Variants in EXOC6B observed in about 807,000 individuals in gnomAD.
EXOC6B encodes exocyst complex component 6B, also known as SEC15 homolog B.
A neutral mutation model predicts 113.5 loss-of-function variants in EXOC6B; 54 were observed. The observed-to-expected ratio is 0.48, with a 90% confidence interval of 0.38 to 0.60. The LOEUF is 0.60. EXOC6B is among the 20% of genes least tolerant of loss of function. The pLI is 0.00. For synonymous variants in EXOC6B, 357 were observed against 339.0 expected (o/e 1.05, Z -0.58); for missense variants, 797 against 977.5 (o/e 0.82, Z 2.46).
rs141174466 is a variant in EXOC6B at position 72,207,189 on chromosome 2, A to G, written c.2197-23002T>C. Reference sequence around the variant, plus strand: ...CTATATACCGTACTAACTTGAACAAATCCCTTATTGATGGGTATTTTGAGA... The same window carrying G: ...CTATATACCGTACTAACTTGAACAAGTCCCTTATTGATGGGTATTTTGAGA... On this transcript the variant is annotated intron_variant, in intron 20 of 21. Coordinates refer to ENST00000272427, the MANE Select transcript of EXOC6B (RefSeq NM_015189.3). Among the ~76,000 whole-genome samples, 841 of 152,344 alleles carry G rather than the reference A, an allele frequency of 5.5e-3. 22 individuals are homozygous for G. Among genetic ancestry groups the G allele is most frequent in the Admixed American group, 0.049 (744 of 15,302 alleles).
chr2:72,643,371 C>T (rs1272714384), intron 6 of EXOC6B, among the ~76,000 whole-genome samples: 1 of 147,378 alleles, frequency 6.8e-6, no homozygotes, highest in African/African-American at 2.5e-5. Flanking sequence ...CCCAAATGTC[C>T]AACAATGACA....
chr2:72,475,920 C>G (rs1329852509), intron 17 of EXOC6B, among the ~76,000 whole-genome samples: 1 of 152,166 alleles, frequency 6.6e-6, no homozygotes, highest in African/African-American at 2.4e-5. Context: ...GTGGGTGGCC[C>G]CTGGTCACTG....
At chr2:72,576,009 A>T (rs1037643380) in intron 6 of EXOC6B, among the ~76,000 whole-genome samples, 1 of 152,124 alleles carries the variant, frequency 6.6e-6, no homozygotes, top group African/African-American at 2.4e-5. Flanking sequence ...AAATCTATCC[A>T]GTTTTGCCTT....
intron 1 of EXOC6B, among the ~76,000 whole-genome samples, chr2:72,789,246 A>T (rs1684541134): frequency 6.6e-6 from 1 of 152,254 alleles, no homozygotes; most frequent in Non-Finnish European, 1.5e-5. Flanking sequence ...CAGTATTGAC[A>T]AGTCCCACCC....
At chr2:72,673,567 T>C (rs1426383200) in intron 6 of EXOC6B, among the ~76,000 whole-genome samples, 2 of 152,120 alleles carry the variant, frequency 1.3e-5, no homozygotes, top group Non-Finnish European at 2.9e-5. Flanking sequence ...CCTTCATTGT[T>C]AAAGTCTCCT....
intron 6 of EXOC6B, among the ~76,000 whole-genome samples, chr2:72,604,740 A>C (rs940007850): frequency 2.0e-5 from 3 of 152,200 alleles, no homozygotes; most frequent in Non-Finnish European, 2.9e-5. Flanking sequence ...GGTCCATACT[A>C]TGATAGAGTT....
chr2:72,278,105 A>G (rs1684910872), intron 20 of EXOC6B, among the ~76,000 whole-genome samples: 1 of 152,190 alleles, frequency 6.6e-6, no homozygotes, highest in African/African-American at 2.4e-5. Context: ...CAAAAAATAC[A>G]CTATCTGCTT....
chr2:72,479,664 T>C (rs1654707631), intron 17 of EXOC6B, among the ~76,000 whole-genome samples: 1 of 152,226 alleles, frequency 6.6e-6, no homozygotes, highest in South Asian at 2.1e-4. Context: ...CTATTACTTT[T>C]ACTGCTTAAT....
intron 6 of EXOC6B, among the ~76,000 whole-genome samples, chr2:72,637,647 A>G (rs1168474806): frequency 6.6e-6 from 1 of 152,068 alleles, no homozygotes; most frequent in Non-Finnish European, 1.5e-5. Context: ...AAAATTAGCC[A>G]GGCATGGTGG....
intron 20 of EXOC6B, chr2:72,263,418 T>C (rs1214588907): frequency 1.3e-5 from 2 of 152,222 alleles, no homozygotes; most frequent in South Asian, 2.1e-4. Context: ...TGAGAAAGCG[T>C]TGGGGCAAGC....
At chr2:72,653,658 T>G (rs1317241946) in intron 6 of EXOC6B, among the ~76,000 whole-genome samples, 1 of 140,992 alleles carries the variant, frequency 7.1e-6, no homozygotes, top group Non-Finnish European at 1.5e-5. Flanking sequence ...GATCTAAAAA[T>G]CACTAATTTT....
intron 6 of EXOC6B, among the ~76,000 whole-genome samples, chr2:72,646,738 C>A (rs1017389022): frequency 2.6e-5 from 4 of 152,078 alleles, no homozygotes; most frequent in South Asian, 2.1e-4. Flanking sequence ...AGGCCTTCGA[C>A]AAAATTCAAC....
At chr2:72,739,360 T>G (rs1473632116) in intron 2 of EXOC6B, among the ~76,000 whole-genome samples, 1 of 152,144 alleles carries the variant, frequency 6.6e-6, no homozygotes, top group Non-Finnish European at 1.5e-5. Flanking sequence ...TTATGTAAAC[T>G]GTACGTTATT....
chr2:72,714,160 A>C (rs1250582038), intron 6 of EXOC6B, among the ~76,000 whole-genome samples: 1 of 152,218 alleles, frequency 6.6e-6, no homozygotes, highest in Non-Finnish European at 1.5e-5. Flanking sequence ...TAGATTTTAG[A>C]GTTTGTCTGT....
chr2:72,588,964 A>G (rs1378403649), intron 6 of EXOC6B, among the ~76,000 whole-genome samples: 1 of 152,006 alleles, frequency 6.6e-6, no homozygotes, highest in Non-Finnish European at 1.5e-5. Flanking sequence ...ACATGGGTTA[A>G]TTGCACTTAC....
intron 7 of EXOC6B, among the ~76,000 whole-genome samples, chr2:72,566,995 A>G (rs946764842): frequency 6.6e-6 from 1 of 152,040 alleles, no homozygotes; most frequent in African/African-American, 2.4e-5. Flanking sequence ...AACTAACAAC[A>G]CTCATTACTT....
intron 20 of EXOC6B, among the ~76,000 whole-genome samples, chr2:72,186,452 C>T (rs922396446): frequency 9.9e-5 from 15 of 151,986 alleles, no homozygotes; most frequent in Non-Finnish European, 2.1e-4. Flanking sequence ...CTGTGCTTTA[C>T]ACATTTCACT....
intron 19 of EXOC6B, among the ~76,000 whole-genome samples, chr2:72,373,372 A>G (rs946381083): frequency 5.9e-5 from 9 of 152,120 alleles, no homozygotes; most frequent in Admixed American, 2.0e-4. Flanking sequence ...ACATTTCTTA[A>G]TTAATACCGC....
chr2:72,506,239 T>C (rs1700587328), intron 11 of EXOC6B, among the ~76,000 whole-genome samples: 1 of 152,178 alleles, frequency 6.6e-6, no homozygotes. Context: ...TCCTTGTGTC[T>C]ATTCTCTGAG....
Sources: allele counts gnomAD v4.1 joint callset (sites outside exome capture counted in the v4.1 genomes callset), GRCh38; gene constraint gnomAD v4.1.1; transcripts MANE v1.5; gene names NCBI Gene and HGNC (gene_info 2026-07-23, HGNC 2026-07-21).